Variants in ADGRL3 observed in about 807,000 individuals in gnomAD.
The protein encoded by ADGRL3 is calcium-independent alpha-latrotoxin receptor 3.
Under a neutral mutation model 153.5 loss-of-function variants are expected in ADGRL3, and 62 were observed. The observed-to-expected ratio is 0.40, with a 90% CI of 0.33 to 0.50. The LOEUF (loss-of-function observed/expected upper bound fraction) is 0.50, where lower values mean the gene tolerates loss of function less well. Ranked by LOEUF, ADGRL3 falls within the 20% of genes least tolerant of loss-of-function variation. The pLI is 0.47. For missense variants in ADGRL3, 1,641 were observed against 1,859.4 expected (o/e 0.88, Z 2.16); for synonymous variants, 710 against 672.5 (o/e 1.06, Z -0.86).
intron 17 of ADGRL3, among the ~76,000 whole-genome samples, chr4:61,961,779 GAT>G (rs1049651933): frequency 2.6e-5 from 4 of 152,046 alleles, no homozygotes; most frequent in African/African-American, 9.7e-5. Context: ...GAAAGAAAAA[GAT>G]ATGTCTAAAA....
At chr4:61,323,398 G>T (rs112567168) in intron 1 of ADGRL3, among the ~76,000 whole-genome samples, 10,975 of 110,362 alleles carry the variant, frequency 0.099, 490 homozygotes, top group South Asian at 0.15. Flanking sequence ...TCAAAATATG[G>T]ATTTTTTTTT....
intron 5 of ADGRL3, among the ~76,000 whole-genome samples, chr4:61,613,090 T>C (rs2091573335): frequency 6.6e-6 from 1 of 152,108 alleles, no homozygotes; most frequent in African/African-American, 2.4e-5. Flanking sequence ...AATTAAGTAA[T>C]CATATCTTGT....
chr4:62,066,850 G>A (rs978322544), intron 25 of ADGRL3, among the ~76,000 whole-genome samples: 1 of 152,094 alleles, frequency 6.6e-6, no homozygotes, highest in Admixed American at 6.6e-5. Flanking sequence ...ATTGGAAGAA[G>A]TCTGGAAGAC....
chr4:61,756,562 T>C lies in ADGRL3; in HGVS notation c.1399+23008T>C, dbSNP rs148861118. 4.1e-4 allele frequency among the ~76,000 whole-genome samples: 62 copies of C among 152,238 alleles called. No homozygotes were observed. The Middle Eastern group carries it at 0.01, about 25-fold the overall frequency. On this transcript the variant is annotated intron_variant, in intron 8 of 26. Coordinates refer to ENST00000683033, the MANE Select transcript of ADGRL3 (RefSeq NM_001387552.1). ...TCTAGATATATAATCATATCATCTG[T>C]AAACAGGGACAATTTCACTTCCTCT...
At chr4:61,597,620 A>G (rs908549212) in intron 5 of ADGRL3, among the ~76,000 whole-genome samples, 44 of 150,148 alleles carry the variant, frequency 2.9e-4, no homozygotes, top group African/African-American at 1.0e-3. Flanking sequence ...ATTTAGTAAC[A>G]TTGACTTTTT....
chr4:61,742,893 T>C (rs181827607), intron 8 of ADGRL3, among the ~76,000 whole-genome samples: 76 of 152,258 alleles, frequency 5.0e-4, no homozygotes, highest in Non-Finnish European at 1.9e-4. Flanking sequence ...GTAGTACAAA[T>C]CAATGGCCAA....
intron 21 of ADGRL3, among the ~76,000 whole-genome samples, chr4:62,021,463 GGAATGATATTATTATTTTATTCAAA>G (rs2099237934): frequency 6.6e-6 from 1 of 152,028 alleles, no homozygotes; most frequent in Non-Finnish European, 1.5e-5. Context: ...AAATAATCAT[GGAATGATATTATTATTTTATTCAAA>G]CATAAGACTC....
intron 3 of ADGRL3, among the ~76,000 whole-genome samples, chr4:61,511,945 C>G (rs1466527730): frequency 1.3e-5 from 2 of 152,136 alleles, no homozygotes; most frequent in African/African-American, 4.8e-5. Context: ...CTATCATATA[C>G]ACCTTAGGGA....
chr4:61,253,848 A>G (rs982790892), intron 1 of ADGRL3, among the ~76,000 whole-genome samples: 3 of 152,180 alleles, frequency 2.0e-5, no homozygotes, highest in Admixed American at 6.5e-5. Flanking sequence ...AATTTTGCAT[A>G]TAAGTTAGTA....
At chr4:61,333,990 A>G (rs1315537053) in intron 1 of ADGRL3, among the ~76,000 whole-genome samples, 4 of 150,100 alleles carry the variant, frequency 2.7e-5, no homozygotes, top group African/African-American at 9.8e-5. Context: ...ATCTTGACTC[A>G]CTGCAATCTC....
Position 61,733,449 on chromosome 4 carries a change from A to G in ADGRL3, c.1294A>G (p.Ile432Val). 1 of 1,613,670 alleles carries G rather than the reference A, an allele frequency of 6.2e-7. No homozygotes were observed. The highest frequency in any genetic ancestry group is 8.5e-7 in the Non-Finnish European group (1 of 1,179,738). The change falls in exon 8 of 27, where the codon ATT becomes GTT. Residue 432 changes from isoleucine to valine, a missense_variant. By Grantham distance (29) the Ile-to-Val change is conservative. Transcript: ENST00000683033. ...ACCCTTTCCTAATTCATACCAGTAC[A>G]TTGCAGCTGTGGATTACAACCCCAG... ...DVPFPNSYQY[I>V]AAVDYNPRDN...
chr4:61,809,386 G>A (rs2148555466), intron 8 of ADGRL3, among the ~76,000 whole-genome samples: 1 of 152,152 alleles, frequency 6.6e-6, no homozygotes, highest in South Asian at 2.1e-4. Context: ...AAATGGGTTA[G>A]GGGAAAAGCA....
At chr4:62,057,327 A>T (rs1476763644) in intron 25 of ADGRL3, among the ~76,000 whole-genome samples, 4 of 152,172 alleles carry the variant, frequency 2.6e-5, no homozygotes, top group African/African-American at 4.8e-5. Flanking sequence ...TTTTCATAAG[A>T]AAAGAAATAT....
chr4:62,039,343 A>G (rs993866303), intron 24 of ADGRL3, among the ~76,000 whole-genome samples: 1 of 152,192 alleles, frequency 6.6e-6, no homozygotes, highest in African/African-American at 2.4e-5. Flanking sequence ...GTGTTTTCAT[A>G]AACAATTTCC....
intron 1 of ADGRL3, among the ~76,000 whole-genome samples, chr4:61,244,131 T>C (rs1036531637): frequency 3.2e-4 from 49 of 152,136 alleles, no homozygotes; most frequent in South Asian, 4.1e-4. Context: ...GTGAGACCTT[T>C]GGCTGTGAAA....
At chr4:61,611,213 G>T (rs2149684583) in intron 5 of ADGRL3, among the ~76,000 whole-genome samples, 1 of 152,114 alleles carries the variant, frequency 6.6e-6, no homozygotes, top group Non-Finnish European at 1.5e-5. Flanking sequence ...AGCCTATGGG[G>T]CAGACAGAGG....
rs866027497 is a variant in ADGRL3 at position 62,065,964 on chromosome 4, G to A, written c.3815-2202G>A. The stretch of plus-strand genomic sequence containing the variant: ...AAATACACAAAGGATTCTTCTGAAT[G>A]TATTTGTCTTTTATTCCAGTAAATT... On this transcript the variant is annotated intron_variant, in intron 25 of 26. Transcript: ENST00000683033. Among the ~76,000 whole-genome samples, 10 of 152,106 alleles carry A rather than the reference G, an allele frequency of 6.6e-5. No homozygotes were observed. In the South Asian group the frequency reaches 1.0e-3, roughly 16 times the overall value.
intron 1 of ADGRL3, among the ~76,000 whole-genome samples, chr4:61,230,399 C>T (rs1750089997): frequency 6.6e-6 from 1 of 152,130 alleles, no homozygotes; most frequent in Non-Finnish European, 1.5e-5. Flanking sequence ...CAGCCTTTCC[C>T]TATGATTTCT....
At chr4:61,765,032 C>A (rs1470944923) in intron 8 of ADGRL3, among the ~76,000 whole-genome samples, 5 of 151,986 alleles carry the variant, frequency 3.3e-5, no homozygotes. Flanking sequence ...TGGGACGACT[C>A]AGGATATCTG....
Sources: gnomAD v4.1 joint callset for allele counts (sites outside exome capture counted in the v4.1 genomes callset) on GRCh38, gnomAD v4.1.1 for gene constraint, MANE v1.5 for transcripts, NCBI Gene and HGNC (gene_info 2026-07-23, HGNC 2026-07-21) for gene names.